NEO1: variants seen among roughly 807,000 people sequenced by gnomAD.
NEO1 encodes the protein neogenin 1, also known as neogenin.
NEO1 carries 63 observed loss-of-function variants against 159.7 expected under a neutral mutation model. The ratio of observed to expected loss-of-function variants is 0.39; its 90% CI spans 0.32 to 0.49. NEO1 has a LOEUF of 0.49. NEO1 is among the 20% of genes least tolerant of loss of function. The pLI is 0.85. For synonymous variants in NEO1, 633 were observed against 662.0 expected (o/e 0.96, Z 0.67); for missense variants, 1,615 against 1,831.0 (o/e 0.88, Z 2.15).
chr15:73,274,053 G>C (rs771657301), intron 20 of NEO1, 48 bp downstream of exon 20: 1 of 1,542,556 alleles, frequency 6.5e-7, no homozygotes, highest in Non-Finnish European at 8.9e-7. Flanking sequence ...CTTTAGTGGG[G>C]CTATGCTGAC....
Position 73,246,450 on chromosome 15 carries a change from C to T in NEO1, c.1606+1952C>T, listed in dbSNP as rs545207532. 2.4e-3 allele frequency among the ~76,000 whole-genome samples: 363 copies of T among 152,272 alleles called. 1 individual carries two copies. Among genetic ancestry groups the T allele is most frequent in the Non-Finnish European group, 4.5e-3 (306 of 68,028 alleles). The stretch of plus-strand genomic sequence containing the variant: ...CTATTAGGTTTCAAGCTCAGTTACC[C>T]TTCATCAGCTTTCATATAGAGGCAT... On this transcript the variant is annotated intron_variant, in intron 9 of 28. Transcript: ENST00000261908.
At chr15:73,266,187 A>C (rs2040882572) in intron 15 of NEO1, 129 bp from the exon 16 acceptor site, 2 of 645,748 alleles carry the variant, frequency 3.1e-6, no homozygotes, top group African/African-American at 3.7e-5. Context: ...AACCTGAAAT[A>C]ATCCCCCATA....
At chr15:73,258,218 A>G (rs2040457616) in intron 13 of NEO1, among the ~76,000 whole-genome samples, 1 of 152,212 alleles carries the variant, frequency 6.6e-6, no homozygotes, top group Non-Finnish European at 1.5e-5. Context: ...TTTACTTACT[A>G]TATAATATAT....
chr15:73,303,074 A>G lies in NEO1; in HGVS notation c.*378A>G, dbSNP rs1329815744. ...GTGTAGACATTGGCATTTATGTACA[A>G]TTTTATTTGTGTCTTATTTTATTTT... On this transcript the variant is annotated 3_prime_UTR_variant, in exon 29 of 29. Transcript: ENST00000261908. 3.0e-5 allele frequency: 5 copies of G among 166,142 alleles called. No homozygotes were observed. In the South Asian group the frequency reaches 5.3e-4, roughly 17 times the overall value. 10.3% of individuals were successfully genotyped at this position (166,142 alleles called of 1,614,324 possible). A position where few individuals can be genotyped will look rare whatever the true frequency, so the allele number is the denominator to read the frequency against.
chr15:73,103,514 C>T (rs371496014), intron 1 of NEO1, among the ~76,000 whole-genome samples: 2 of 152,112 alleles, frequency 1.3e-5, no homozygotes, highest in African/African-American at 4.8e-5. Flanking sequence ...CTGTCTAGGC[C>T]GGTTAGATTC....
In NEO1 at chr15:73,282,968, T is replaced by A; in HGVS notation, c.3267T>A (p.Ser1089Arg). ...GSDYKPPMSG[S>R]NSPHGSPTSP... is the part of the protein sequence containing the mutation. ...GTACCATTTCTCTCTCTGCAGGCAG[T>A]AACAGCCCTCATGGGAGCCCCACCT... The change falls in exon 23 of 29, where the codon AGT becomes AGA. Residue 1089 changes from serine to arginine, a missense_variant. Ser to Arg is a moderately radical substitution (Grantham distance 110). This residue lies in a region of NEO1 where 471 missense variants were observed against 498.9 expected (regional missense o/e 0.94). Coordinates refer to ENST00000261908, the MANE Select transcript of NEO1 (RefSeq NM_002499.4). 6.2e-7 allele frequency: 1 copy of A among 1,613,974 alleles called. No homozygotes were observed. Among genetic ancestry groups the A allele is most frequent in the Non-Finnish European group, 8.5e-7 (1 of 1,179,978 alleles).
chr15:73,182,048 AGGAGCG>A (rs2151972418), intron 7 of NEO1, among the ~76,000 whole-genome samples: 1 of 151,444 alleles, frequency 6.6e-6, no homozygotes, highest in East Asian at 2.0e-4. Context: ...GAAGGCAAGG[AGGAGCG>A]AGTCACATCT....
At chr15:73,067,852 G>A (rs1169689676) in intron 1 of NEO1, among the ~76,000 whole-genome samples, 3 of 152,038 alleles carry the variant, frequency 2.0e-5, no homozygotes, top group African/African-American at 7.2e-5. Context: ...TCCTGACCTC[G>A]TGATCCACCT....
intron 21 of NEO1, among the ~76,000 whole-genome samples, chr15:73,275,160 G>A (rs2041350132): frequency 6.6e-6 from 1 of 152,160 alleles, no homozygotes; most frequent in Non-Finnish European, 1.5e-5. Context: ...GTGGAAAGTT[G>A]TATCACATTC....
intron 22 of NEO1, among the ~76,000 whole-genome samples, chr15:73,281,767 T>C (rs1175219013): frequency 6.6e-6 from 1 of 152,178 alleles, no homozygotes; most frequent in Non-Finnish European, 1.5e-5. Flanking sequence ...TAGATATCCA[T>C]GGTGGTTAGA....
intron 7 of NEO1, among the ~76,000 whole-genome samples, chr15:73,185,848 A>G (rs1039168488): frequency 1.3e-5 from 2 of 152,170 alleles, no homozygotes; most frequent in African/African-American, 2.4e-5. Context: ...TAAGTAAATT[A>G]TAAGTAAATG....
intron 7 of NEO1, among the ~76,000 whole-genome samples, chr15:73,211,175 C>T (rs1003310318): frequency 6.6e-6 from 1 of 152,144 alleles, no homozygotes; most frequent in Non-Finnish European, 1.5e-5. Flanking sequence ...CTGGACTAGG[C>T]CTCTTGCTGT....
rs75385416 is a variant in NEO1 at position 73,264,891 on chromosome 15, G to A, written c.2399-1425G>A. On this transcript the variant is annotated intron_variant, in intron 15 of 28. Transcript: ENST00000261908. ...AGATAGAGCAGAGAATGAGACAGACGTTCTCACAATTATTAGAAATAATAC... is the reference window on the plus strand; with the variant it reads ...AGATAGAGCAGAGAATGAGACAGACATTCTCACAATTATTAGAAATAATAC... Among the ~76,000 whole-genome samples the A allele has an allele frequency of 6.9e-3, 1,047 of 152,268 alleles. 5 individuals carry two copies. The highest frequency in any genetic ancestry group is 0.013 in the Non-Finnish European group (853 of 68,026).
At chr15:73,279,745 A>G (rs2041605398) in intron 22 of NEO1, among the ~76,000 whole-genome samples, 2 of 152,160 alleles carry the variant, frequency 1.3e-5, no homozygotes, top group Admixed American at 1.3e-4. Flanking sequence ...AAAGCTTCCT[A>G]GAAGAGGTGC....
At chr15:73,086,482 G>A (rs932486890) in intron 1 of NEO1, among the ~76,000 whole-genome samples, 3 of 151,126 alleles carry the variant, frequency 2.0e-5, no homozygotes, top group Non-Finnish European at 4.4e-5. Flanking sequence ...GACTGGAATT[G>A]TATTAAGTTC....
At chr15:73,248,749 T>C (rs2039927944) in intron 9 of NEO1, among the ~76,000 whole-genome samples, 1 of 152,224 alleles carries the variant, frequency 6.6e-6, no homozygotes, top group South Asian at 2.1e-4. Context: ...CCCTAGTGGC[T>C]ACCACAATGC....
chr15:73,207,333 CA>C (rs2037297451), intron 7 of NEO1, among the ~76,000 whole-genome samples: 1 of 152,176 alleles, frequency 6.6e-6, no homozygotes, highest in Admixed American at 6.5e-5. Context: ...CAGCACCACA[CA>C]GCTAATATAT....
At chr15:73,284,393 C>G (rs1045681858) in intron 23 of NEO1, among the ~76,000 whole-genome samples, 1 of 152,124 alleles carries the variant, frequency 6.6e-6, no homozygotes, top group Non-Finnish European at 1.5e-5. Flanking sequence ...AGGGTAAGTA[C>G]AGGCCACCCT....
At chr15:73,244,271 G>A (rs1159604716) in intron 8 of NEO1, 73 bp from the exon 9 acceptor site, 1 of 1,485,238 alleles carries the variant, frequency 6.7e-7, no homozygotes, top group African/African-American at 1.4e-5. Context: ...TTTATGTGGA[G>A]TGGAAAATGA....
Sources: allele counts gnomAD v4.1 joint callset (sites outside exome capture counted in the v4.1 genomes callset), GRCh38; gene constraint gnomAD v4.1.1; regional missense constraint gnomAD v4.1.1; transcripts MANE v1.5; gene names NCBI Gene and HGNC (gene_info 2026-07-23, HGNC 2026-07-21).